LRRC53: variants seen among roughly 807,000 people sequenced by gnomAD.
The protein encoded by LRRC53 is leucine rich repeat containing 53.
In LRRC53, 25 loss-of-function variants were observed where a neutral mutation model predicts 13.6. The ratio of observed to expected loss-of-function variants is 1.83; its 90% CI spans 1.34 to 2.56. LRRC53 has a LOEUF of 2.56. Among genes scored for constraint, LRRC53 ranks in the 30% most tolerant of loss-of-function variants. LRRC53 has a pLI of 0.00. For synonymous variants in LRRC53, 204 were observed against 109.8 expected, an observed-to-expected ratio of 1.86 and a Z score of -5.37; for missense variants, 527 against 275.8, an observed-to-expected ratio of 1.91 and a Z score of -6.45.
intron 1 of LRRC53, chr1:74,489,097 T>G (rs1668908425): frequency 2.0e-6 from 2 of 1,018,550 alleles, no homozygotes; most frequent in African/African-American, 3.3e-5. Flanking sequence ...TTAATCTCAT[T>G]CTTTACAAAT....
Position 74,510,158 on chromosome 1 carries a change from C to A in LRRC53, c.-27+2368G>T, listed in dbSNP as rs201398698. Among the ~76,000 whole-genome samples, 9 of 130,686 alleles carry A rather than the reference C, an allele frequency of 6.9e-5. No individual in the cohort carries two copies. In the South Asian group the frequency reaches 2.1e-3, roughly 31 times the overall value. The allele number at this position is 130,686 out of a possible 152,430, so 85.7% of individuals were successfully genotyped here. The stretch of plus-strand genomic sequence containing the variant: ...GATGTTTAACTACATTTCTTACCCC[C>A]TGATTTTTACTTCCTGAGATCAGTA... On this transcript the variant is annotated intron_variant, in intron 1 of 4. Transcript: ENST00000294635.
At chr1:74,529,787 A>T in the LRRC53 span, among the ~76,000 whole-genome samples, 1 of 152,316 alleles carries the variant, frequency 6.6e-6, no homozygotes, top group African/African-American at 2.4e-5. Context: ...AAGAAAGTTC[A>T]TATATTCACT....
At chr1:74,500,191 T>C (rs1669537938) in intron 1 of LRRC53, among the ~76,000 whole-genome samples, 1 of 152,146 alleles carries the variant, frequency 6.6e-6, no homozygotes, top group Non-Finnish European at 1.5e-5. Flanking sequence ...TTTATCTTCA[T>C]CAAGATTTTA....
At chr1:74,493,256 G>C (rs997142113) in intron 1 of LRRC53, among the ~76,000 whole-genome samples, 6 of 152,138 alleles carry the variant, frequency 3.9e-5, no homozygotes, top group Non-Finnish European at 4.4e-5. Flanking sequence ...AGTTTTATTT[G>C]GGGCTGATGA....
intron 3 of LRRC53, 135 bp from the exon 4 acceptor site, chr1:74,475,945 G>T: frequency 2.2e-6 from 1 of 446,344 alleles, no homozygotes; most frequent in Non-Finnish European, 4.0e-6. Flanking sequence ...TTCACCATTT[G>T]GAAAAATATC....
intron 1 of LRRC53, among the ~76,000 whole-genome samples, chr1:74,484,611 G>A (rs909872490): frequency 6.6e-6 from 1 of 152,126 alleles, no homozygotes; most frequent in Non-Finnish European, 1.5e-5. Context: ...AGCTGGAGAA[G>A]GTGAAGGCAT....
At chr1:74,523,430 A>G in the LRRC53 span, among the ~76,000 whole-genome samples, 1 of 143,012 alleles carries the variant, frequency 7.0e-6, no homozygotes, top group African/African-American at 2.4e-5. Flanking sequence ...TGGCTGATGT[A>G]TAAGATTTTT....
chr1:74,476,754 T>C (rs1481388573), intron 3 of LRRC53, among the ~76,000 whole-genome samples: 1 of 152,144 alleles, frequency 6.6e-6, no homozygotes, highest in East Asian at 1.9e-4. Context: ...TTTCTGGAAA[T>C]AAAGACAGCA....
intron 1 of LRRC53, among the ~76,000 whole-genome samples, chr1:74,506,017 C>T (rs1165816192): frequency 2.0e-5 from 3 of 152,156 alleles, no homozygotes; most frequent in Admixed American, 6.5e-5. Flanking sequence ...CTTCATCAGT[C>T]TCTTATTTGC....
intron 1 of LRRC53, among the ~76,000 whole-genome samples, chr1:74,483,709 A>G (rs1457916792): frequency 6.6e-6 from 1 of 152,176 alleles, no homozygotes; most frequent in African/African-American, 2.4e-5. Flanking sequence ...CTGCAACCCA[A>G]TTGGAGACTA....
At chr1:74,478,342 A>G (rs1668306908) in intron 3 of LRRC53, among the ~76,000 whole-genome samples, 1 of 152,212 alleles carries the variant, frequency 6.6e-6, no homozygotes, top group South Asian at 2.1e-4. Context: ...GAATTTATTC[A>G]TGTATATTAA....
At chr1:74,535,267 C>T in the LRRC53 span, among the ~76,000 whole-genome samples, 11 of 151,966 alleles carry the variant, frequency 7.2e-5, no homozygotes, top group African/African-American at 1.7e-4. Flanking sequence ...AACAGGAGTT[C>T]GACACCAGCC....
intron 4 of LRRC53, 65 bp from the exon 5 acceptor site, chr1:74,472,266 G>A (rs1382750723): frequency 1.4e-6 from 1 of 698,330 alleles, no homozygotes; most frequent in Non-Finnish European, 2.6e-6. Flanking sequence ...CCAAACAGAT[G>A]CGTAGAAACC....
At chr1:74,513,630 A>G (rs1646301660), upstream of LRRC53, among the ~76,000 whole-genome samples, 1 of 152,242 alleles carries the variant, frequency 6.6e-6, no homozygotes, top group South Asian at 2.1e-4. Flanking sequence ...AATGTTTAAC[A>G]TCTTGTCACT....
intron 1 of LRRC53, among the ~76,000 whole-genome samples, chr1:74,507,229 C>CCA (rs1553153845): frequency 7.2e-6 from 1 of 139,478 alleles, no homozygotes; most frequent in Admixed American, 7.3e-5. Context: ...CTTCACCCCC[C>CCA]CCCCATCTTT....
rs1171254951 is a variant in LRRC53, at chr1:74,472,007, A to T, written c.1615T>A (p.Tyr539Asn). 7 of 680,192 alleles carry T rather than the reference A, an allele frequency of 1.0e-5. No homozygotes were observed. The East Asian group carries it at 1.6e-4, about 16-fold the overall frequency. The allele number at this position is 680,192 out of a possible 1,614,324, so 42.1% of individuals were successfully genotyped here. A position where few individuals can be genotyped will look rare whatever the true frequency, so the allele number is the denominator to read the frequency against. ...TTTTTTTGTACGATCTTTTGTACAT[A>T]GTGTTCCTCAGGCTCACAAGGCTTG... is the stretch of plus-strand genomic sequence containing the variant. ...SSKPCEPEEHYVQKIVQKNRS... is the reference protein window; with the variant it reads ...SSKPCEPEEHNVQKIVQKNRS... Residue 539 changes from tyrosine (Y) to asparagine (N), a missense_variant, in exon 5 of 5, where the codon TAT (tyrosine) becomes AAT (asparagine). By Grantham distance (143) the Tyr-to-Asn change is moderately radical. Transcript: ENST00000294635.
intron 1 of LRRC53, among the ~76,000 whole-genome samples, chr1:74,504,063 G>T (rs1233869148): frequency 6.6e-6 from 1 of 152,146 alleles, no homozygotes; most frequent in African/African-American, 2.4e-5. Context: ...GCATCCCTAG[G>T]TGCATACCCA....
intron 1 of LRRC53, among the ~76,000 whole-genome samples, chr1:74,492,471 A>G (rs1362919698): frequency 4.6e-5 from 7 of 152,196 alleles, no homozygotes; most frequent in African/African-American, 1.2e-4. Context: ...GTTGCAAGTA[A>G]CAGGCATTAA....
the LRRC53 span, among the ~76,000 whole-genome samples, chr1:74,534,333 C>T: frequency 6.6e-6 from 1 of 152,166 alleles, no homozygotes. Context: ...AAAAATGATT[C>T]CTTTTGGACT....
Sources: gnomAD v4.1 joint callset for allele counts (sites outside exome capture counted in the v4.1 genomes callset) on GRCh38, gnomAD v4.1.1 for gene constraint, MANE v1.5 for transcripts, NCBI Gene and HGNC (gene_info 2026-07-23, HGNC 2026-07-21) for gene names.